Variants in GPHN observed in about 807,000 individuals in gnomAD.
The protein encoded by GPHN is gephyrin.
In GPHN, 17 loss-of-function variants were observed where a neutral mutation model predicts 95.5. The observed-to-expected ratio is 0.18, with a 90% CI of 0.12 to 0.27. The LOEUF (loss-of-function observed/expected upper bound fraction) is 0.27. Ranked by LOEUF, GPHN falls within the 10% of genes least tolerant of loss-of-function variation. The pLI is 1.00. For synonymous variants in GPHN, 320 were observed against 322.5 expected (o/e 0.99, Z 0.08); for missense variants, 660 against 978.1 (o/e 0.67, Z 4.34).
chr14:66,991,293 A>G (rs1224934534), intron 9 of GPHN, among the ~76,000 whole-genome samples: 1 of 152,182 alleles, frequency 6.6e-6, no homozygotes, highest in Non-Finnish European at 1.5e-5. Flanking sequence ...CTTAATGACT[A>G]CAAAAATTAC....
chr14:66,852,861 T>C (rs751397859), intron 4 of GPHN, among the ~76,000 whole-genome samples: 1 of 152,250 alleles, frequency 6.6e-6, no homozygotes. Context: ...AAATATGTGA[T>C]ACTTTTTAAA....
intron 11 of GPHN, among the ~76,000 whole-genome samples, chr14:67,082,480 C>A (rs958687577): frequency 3.3e-5 from 5 of 152,096 alleles, no homozygotes; most frequent in African/African-American, 1.2e-4. Flanking sequence ...CTATTCTATT[C>A]CATTGATCTA....
At chr14:67,311,330 A>T in the GPHN span, among the ~76,000 whole-genome samples, 7 of 151,398 alleles carry the variant, frequency 4.6e-5, no homozygotes, top group South Asian at 1.5e-3. Flanking sequence ...AAAAAAAAAA[A>T]GCCAAAGCCA....
intron 1 of GPHN, among the ~76,000 whole-genome samples, chr14:66,618,776 A>C (rs1235148453): frequency 6.6e-6 from 1 of 152,182 alleles, no homozygotes; most frequent in East Asian, 1.9e-4. Context: ...TAGACATGAC[A>C]TGCAATAAAC....
intron 1 of GPHN, among the ~76,000 whole-genome samples, chr14:66,510,220 A>G (rs1185898938): frequency 6.6e-6 from 1 of 152,218 alleles, no homozygotes; most frequent in Non-Finnish European, 1.5e-5. Flanking sequence ...TATATCTTTT[A>G]TCTACCCTCA....
At position 66,521,743 on chromosome 14, in the gene GPHN, T is replaced by C. The variant is rs114032412; in HGVS notation, c.64+13152T>C. Among the ~76,000 whole-genome samples the C allele has an allele frequency of 6.5e-3, 990 of 152,232 alleles. 7 individuals are homozygous for C. The highest frequency in any genetic ancestry group is 0.023 in the African/African-American group (944 of 41,530). On this transcript the variant is annotated intron_variant, in intron 1 of 22. Coordinates refer to ENST00000478722, the MANE Select transcript of GPHN (RefSeq NM_020806.5). ...TAATCTCCTCCAAAGGTTCTACTTC[T>C]TTAAGACCATCACAGGGTGGGGTGG...
At chr14:67,121,536 G>A (rs1290931064) in intron 16 of GPHN, among the ~76,000 whole-genome samples, 2 of 152,102 alleles carry the variant, frequency 1.3e-5, no homozygotes, top group African/African-American at 4.8e-5. Context: ...TTGTCAACTT[G>A]AATTTGAACC....
At chr14:67,251,493 A>G in the GPHN span, among the ~76,000 whole-genome samples, 11 of 152,282 alleles carry the variant, frequency 7.2e-5, no homozygotes, top group East Asian at 2.1e-3. Context: ...TGATGGCACC[A>G]TTGCACTTCA....
At chr14:67,554,197 T>C in the GPHN span, among the ~76,000 whole-genome samples, 1 of 152,200 alleles carries the variant, frequency 6.6e-6, no homozygotes, top group Non-Finnish European at 1.5e-5. Flanking sequence ...ACTGCTTCCA[T>C]GTAACTTTCC....
chr14:67,194,424 G>A, the GPHN span, among the ~76,000 whole-genome samples: 3 of 151,852 alleles, frequency 2.0e-5, no homozygotes, highest in South Asian at 4.1e-4. Flanking sequence ...TAAAATATAC[G>A]ATGATGAGGG....
the GPHN span, chr14:67,569,160 C>T: frequency 6.2e-7 from 1 of 1,612,480 alleles, no homozygotes; most frequent in Non-Finnish European, 8.5e-7. Flanking sequence ...TATGCTGTGG[C>T]CACATCGGGC....
At chr14:66,886,457 CAG>C (rs1022042414) in intron 5 of GPHN, among the ~76,000 whole-genome samples, 2 of 151,646 alleles carry the variant, frequency 1.3e-5, no homozygotes, top group Admixed American at 1.3e-4. Flanking sequence ...ACAATGTACT[CAG>C]GAGTTCTAAG....
the GPHN span, among the ~76,000 whole-genome samples, chr14:67,508,265 A>C: frequency 1.3e-5 from 2 of 151,048 alleles, no homozygotes; most frequent in Non-Finnish European, 3.0e-5. Flanking sequence ...TTCCCTCCCA[A>C]CTCTGACTTC....
chr14:67,401,348 A>G, the GPHN span, among the ~76,000 whole-genome samples: 101 of 151,984 alleles, frequency 6.6e-4, no homozygotes, highest in Non-Finnish European at 1.3e-3. Context: ...AAATAAATAA[A>G]CAAATAAATA....
chr14:67,507,474 G>A, the GPHN span, among the ~76,000 whole-genome samples: 1 of 152,040 alleles, frequency 6.6e-6, no homozygotes, highest in African/African-American at 2.4e-5. Flanking sequence ...GAGTCCCCAG[G>A]GTCTCGGTCT....
At chr14:67,406,822 C>T in the GPHN span, among the ~76,000 whole-genome samples, 1 of 152,166 alleles carries the variant, frequency 6.6e-6, no homozygotes. Flanking sequence ...CTAAAATCAC[C>T]AGGCAAAGTG....
chr14:67,592,303 G>C, the GPHN span: 1 of 434,654 alleles, frequency 2.3e-6, no homozygotes, highest in Non-Finnish European at 4.3e-6. Flanking sequence ...AGCCAGGCGA[G>C]ATGGTGCACA....
At chr14:67,029,361 G>C (rs1391739216) in intron 10 of GPHN, among the ~76,000 whole-genome samples, 1 of 149,822 alleles carries the variant, frequency 6.7e-6, no homozygotes, top group East Asian at 1.9e-4. Context: ...TTTTGAGATG[G>C]AATTTTGCTC....
chr14:66,766,353 A>T (rs1272838803), intron 2 of GPHN, among the ~76,000 whole-genome samples: 1 of 152,204 alleles, frequency 6.6e-6, no homozygotes, highest in Non-Finnish European at 1.5e-5. Context: ...GGCCTTGGTA[A>T]ACTTAGTTGG....
Sources: gnomAD v4.1 joint callset for allele counts (sites outside exome capture counted in the v4.1 genomes callset) on GRCh38, gnomAD v4.1.1 for gene constraint, MANE v1.5 for transcripts, NCBI Gene and HGNC (gene_info 2026-07-23, HGNC 2026-07-21) for gene names.